Variants in SLC22A25 observed in about 807,000 individuals in gnomAD.
The protein encoded by SLC22A25 is MGI:2442751, MGI:2385316, MGI:3042283, MGI:3645714, MGI:3605624, MGI:2442750.
SLC22A25 carries 44 observed loss-of-function variants against 45.9 expected under a neutral mutation model. The observed-to-expected ratio is 0.96, with a 90% CI of 0.75 to 1.23. SLC22A25 has a LOEUF of 1.23. Ranked by LOEUF, SLC22A25 falls within the 50% of genes most tolerant of loss-of-function variation. The pLI, the probability that SLC22A25 is intolerant of heterozygous loss-of-function variation, is 0.00. For missense variants in SLC22A25, 800 were observed against 666.4 expected (o/e 1.20, Z -2.21); for synonymous variants, 283 against 238.6 (o/e 1.19, Z -1.72).
At chr11:63,187,326 T>C (rs554466486) in intron 7 of SLC22A25, among the ~76,000 whole-genome samples, 38 of 152,298 alleles carry the variant, frequency 2.5e-4, no homozygotes, top group African/African-American at 8.7e-4. Context: ...GGGAGTTCAC[T>C]CATGATTTGG....
chr11:63,174,274 G>A (rs565207852), intron 9 of SLC22A25, among the ~76,000 whole-genome samples: 3 of 152,138 alleles, frequency 2.0e-5, no homozygotes, highest in Non-Finnish European at 2.9e-5. Context: ...GTGTATATGT[G>A]CCACATTTTC....
chr11:63,201,523 A>G (rs867521539), intron 7 of SLC22A25, among the ~76,000 whole-genome samples: 2 of 152,212 alleles, frequency 1.3e-5, no homozygotes, highest in African/African-American at 2.4e-5. Context: ...TAAATTGAAA[A>G]CTTAAACGTA....
chr11:63,158,813 A>G lies in SLC22A25; in HGVS notation c.*5011T>C, dbSNP rs1326838948. ...AATTAAGTTATTATTGACTATAGTC[A>G]TCCTGTTGTGCTATCAAATAGTAGA... On this transcript the variant is annotated 3_prime_UTR_variant, in exon 12 of 12. Coordinates refer to ENST00000306494, the MANE Select transcript of SLC22A25 (RefSeq NM_199352.6). Among the ~76,000 whole-genome samples, 2 of 152,166 alleles carry G rather than the reference A, an allele frequency of 1.3e-5. No individual in the cohort carries two copies. Among genetic ancestry groups the G allele is most frequent in the Admixed American group, 1.3e-4 (2 of 15,274 alleles).
At chr11:63,164,164 CTT>C in intron 11 of SLC22A25, 91 bp from the exon 12 acceptor site, 1 of 1,468,008 alleles carries the variant, frequency 6.8e-7, no homozygotes, top group Non-Finnish European at 9.1e-7. Flanking sequence ...TGGATGAGCA[CTT>C]AAACACATGG....
intron 7 of SLC22A25, among the ~76,000 whole-genome samples, chr11:63,204,540 A>C (rs1161815088): frequency 2.6e-5 from 4 of 152,074 alleles, no homozygotes; most frequent in African/African-American, 9.7e-5. Context: ...ACTTTAAACC[A>C]AAAAAGATCA....
chr11:63,237,626 A>G (rs2090186372), intron 3 of SLC22A25, among the ~76,000 whole-genome samples: 1 of 152,212 alleles, frequency 6.6e-6, no homozygotes, highest in Admixed American at 6.5e-5. Flanking sequence ...CTAAGACAGT[A>G]ACTGTTCTCA....
At chr11:63,215,481 C>G (rs936862484) in intron 7 of SLC22A25, among the ~76,000 whole-genome samples, 1 of 152,006 alleles carries the variant, frequency 6.6e-6, no homozygotes. Context: ...TACCTAATGT[C>G]AATGGTGGGT....
intron 10 of SLC22A25, among the ~76,000 whole-genome samples, chr11:63,165,332 T>C (rs930963777): frequency 6.6e-6 from 1 of 152,202 alleles, no homozygotes; most frequent in Admixed American, 6.5e-5. Context: ...AGAGGAGAAC[T>C]GGAGCACACC....
chr11:63,172,325 C>T (rs1404604823), intron 9 of SLC22A25, among the ~76,000 whole-genome samples: 1 of 152,068 alleles, frequency 6.6e-6, no homozygotes, highest in Non-Finnish European at 1.5e-5. Context: ...AGCTTCTGCA[C>T]AGCAAAAGAA....
chr11:63,223,213 T>G (rs1410800138), intron 5 of SLC22A25, among the ~76,000 whole-genome samples: 1 of 152,050 alleles, frequency 6.6e-6, no homozygotes, highest in African/African-American at 2.4e-5. Flanking sequence ...ATGACTTCTT[T>G]AAATGTTTGG....
chr11:63,164,956 C>A (rs2087629698), intron 10 of SLC22A25, among the ~76,000 whole-genome samples: 1 of 152,004 alleles, frequency 6.6e-6, no homozygotes, highest in East Asian at 1.9e-4. Context: ...TCTGGGAACA[C>A]CTCTGCCCTC....
At chr11:63,166,015 T>C (rs764782764) in intron 10 of SLC22A25, 29 bp downstream of exon 10, 1 of 1,608,826 alleles carries the variant, frequency 6.2e-7, no homozygotes, top group Non-Finnish European at 8.5e-7. Flanking sequence ...AAAGACATTT[T>C]CTTTCTTCCA....
At chr11:63,188,418 T>G (rs1334458910) in intron 7 of SLC22A25, among the ~76,000 whole-genome samples, 1 of 152,216 alleles carries the variant, frequency 6.6e-6, no homozygotes, top group Non-Finnish European at 1.5e-5. Context: ...TTATTGCGTC[T>G]ATTTGATTCT....
chr11:63,197,477 A>G (rs905551582), intron 7 of SLC22A25, among the ~76,000 whole-genome samples: 4 of 152,156 alleles, frequency 2.6e-5, no homozygotes, highest in African/African-American at 9.7e-5. Context: ...CTGATCTTTG[A>G]CAAACCTGGC....
chr11:63,200,166 T>A (rs1360157875), intron 7 of SLC22A25, among the ~76,000 whole-genome samples: 5 of 151,674 alleles, frequency 3.3e-5, no homozygotes, highest in African/African-American at 9.7e-5. Context: ...GAGGGCAGCA[T>A]CATCCTGACG....
In SLC22A25 at chr11:63,158,590, T is replaced by C. The variant is rs1032443927; in HGVS notation, c.*5234A>G. 1.4e-4 allele frequency among the ~76,000 whole-genome samples: 21 copies of C among 152,198 alleles called. No homozygotes were observed. The highest frequency in any genetic ancestry group is 5.1e-4 in the African/African-American group (21 of 41,452). On this transcript the variant is annotated 3_prime_UTR_variant, in exon 12 of 12. Coordinates refer to ENST00000306494, the MANE Select transcript of SLC22A25 (RefSeq NM_199352.6). ...CATCTTCTCAGTCATTTATCCTTTG[T>C]GTTACAAACAATCCAGTTATACTCC...
chr11:63,169,797 C>T (rs1254723183), intron 9 of SLC22A25, among the ~76,000 whole-genome samples: 1 of 152,174 alleles, frequency 6.6e-6, no homozygotes, highest in Non-Finnish European at 1.5e-5. Context: ...GAACTCAACT[C>T]TGGACCAAGT....
intron 7 of SLC22A25, among the ~76,000 whole-genome samples, chr11:63,203,678 T>G (rs1456896378): frequency 6.6e-6 from 1 of 152,008 alleles, no homozygotes; most frequent in African/African-American, 2.4e-5. Flanking sequence ...AAACCTATGA[T>G]TGACTGGTGT....
chr11:63,178,141 T>G (rs893384149), intron 9 of SLC22A25, among the ~76,000 whole-genome samples: 1 of 151,918 alleles, frequency 6.6e-6, no homozygotes, highest in African/African-American at 2.4e-5. Context: ...TCCATCCACC[T>G]TGGCCTCCCA....
Sources: gnomAD v4.1 joint callset for allele counts (sites outside exome capture counted in the v4.1 genomes callset) on GRCh38, gnomAD v4.1.1 for gene constraint, MANE v1.5 for transcripts, NCBI Gene and HGNC (gene_info 2026-07-23, HGNC 2026-07-21) for gene names.